The following APP variants were observed in gnomAD, a reference collection of about 807,000 sequenced individuals.
APP encodes amyloid beta precursor protein.
In APP, 31 loss-of-function variants were observed where a neutral mutation model predicts 101.4. That is an observed-to-expected ratio of 0.31 (90% CI 0.23 to 0.41). The LOEUF (loss-of-function observed/expected upper bound fraction) is 0.41, where lower values mean the gene tolerates loss of function less well. Among genes scored for constraint, APP ranks in the 10% least tolerant of loss-of-function variants. APP has a pLI of 1.00. For missense variants in APP, 839 were observed against 1,003.7 expected (o/e 0.84, Z 2.22); for synonymous variants, 366 against 364.4 (o/e 1.00, Z -0.05).
chr21:25,918,597 TCTGAG>T (rs2039475305), intron 13 of APP, among the ~76,000 whole-genome samples: 1 of 151,958 alleles, frequency 6.6e-6, no homozygotes, highest in Non-Finnish European at 1.5e-5. Context: ...GAGTTCCCTT[TCTGAG>T]TCAAAGAAAG....
In APP at chr21:26,151,064, A is replaced by G. The variant is rs566302989; in HGVS notation, c.57+19500T>C. 1.8e-4 allele frequency among the ~76,000 whole-genome samples: 27 copies of G among 152,344 alleles called. No individual in the cohort carries two copies. The South Asian group carries it at 5.4e-3, about 30-fold the overall frequency. ...ACGACCTTACACTAGGTTCTGTAAC[A>G]GCAGCATTTCATCACAATTTGTTAA... On this transcript the variant is annotated intron_variant, in intron 1 of 17. Transcript: ENST00000346798.
rs755219355 is a variant in APP, at chr21:26,051,245, GTAAGAAAACTCCACA to G, written c.469-67_469-53del. 368 of 1,526,060 alleles carry G rather than the reference GTAAGAAAACTCCACA, an allele frequency of 2.4e-4. 2 individuals carry two copies. The highest frequency in any genetic ancestry group is 1.6e-3 in the South Asian group (141 of 85,678). 94.5% of individuals were successfully genotyped at this position (1,526,060 alleles called of 1,614,324 possible). On this transcript the variant is annotated intron_variant, in intron 4 of 17. Coordinates refer to ENST00000346798, the MANE Select transcript of APP (RefSeq NM_000484.4). ...AGTGGTAGAGTAGATGTGTTTCATT[GTAAGAAAACTCCACA>G]TAAAATAATCAACATGCAGACCCAA... is the stretch of plus-strand genomic sequence containing the variant.
At chr21:26,168,586 C>A (rs931156481) in intron 1 of APP, among the ~76,000 whole-genome samples, 6 of 152,158 alleles carry the variant, frequency 3.9e-5, no homozygotes, top group South Asian at 4.1e-4. Context: ...TATTGCTCAA[C>A]AAAGTTACAT....
intron 5 of APP, among the ~76,000 whole-genome samples, chr21:26,040,333 A>C (rs1314210869): frequency 6.6e-6 from 1 of 152,070 alleles, no homozygotes; most frequent in Non-Finnish European, 1.5e-5. Context: ...TGGGCATGGT[A>C]GCTTATGCCT....
intron 3 of APP, among the ~76,000 whole-genome samples, chr21:26,086,240 C>G (rs1232713247): frequency 6.6e-6 from 1 of 152,190 alleles, no homozygotes; most frequent in Non-Finnish European, 1.5e-5. Context: ...ATCTTACCCT[C>G]TGGTTCCAGA....
chr21:26,004,260 C>A (rs2043416279), intron 6 of APP, among the ~76,000 whole-genome samples: 1 of 142,638 alleles, frequency 7.0e-6, no homozygotes, highest in Non-Finnish European at 1.5e-5. Flanking sequence ...TATGCAGGGT[C>A]TCTTTGTATT....
chr21:25,971,814 A>C (rs1381765910), intron 11 of APP, among the ~76,000 whole-genome samples: 2 of 152,222 alleles, frequency 1.3e-5, no homozygotes, highest in African/African-American at 4.8e-5. Flanking sequence ...CTCACTAGTA[A>C]GGAATAACTA....
rs550638181 is a variant in APP, at chr21:25,902,613, T to C, written c.1963+2411A>G. 3.4e-5 allele frequency among the ~76,000 whole-genome samples: 5 copies of C among 146,334 alleles called. No individual in the cohort carries two copies. The South Asian group carries it at 1.1e-3, about 32-fold the overall frequency. ...TCTCTTCTGAATAGAATTGTTCCCT[T>C]CTTCTTTGCCAATCCAGGTGCCTCA... On this transcript the variant is annotated intron_variant, in intron 15 of 17. Coordinates refer to ENST00000346798, the MANE Select transcript of APP (RefSeq NM_000484.4).
intron 11 of APP, among the ~76,000 whole-genome samples, chr21:25,960,635 G>C (rs940971127): frequency 6.6e-6 from 1 of 152,172 alleles, no homozygotes; most frequent in East Asian, 1.9e-4. Context: ...AGGAGGCTCT[G>C]AGGACTCCCC....
chr21:26,139,616 C>G (rs2062996624), intron 1 of APP, among the ~76,000 whole-genome samples: 2 of 152,190 alleles, frequency 1.3e-5, no homozygotes, highest in South Asian at 4.1e-4. Context: ...GAATTTTCAA[C>G]AGGGCTCAGT....
At chr21:26,163,724 G>C (rs1354462471) in intron 1 of APP, among the ~76,000 whole-genome samples, 1 of 152,106 alleles carries the variant, frequency 6.6e-6, no homozygotes, top group Non-Finnish European at 1.5e-5. Flanking sequence ...AATTCTTTGG[G>C]ACTCTGCTTC....
At chr21:25,945,121 A>G (rs894307289) in intron 13 of APP, among the ~76,000 whole-genome samples, 1 of 152,192 alleles carries the variant, frequency 6.6e-6, no homozygotes, top group Non-Finnish European at 1.5e-5. Flanking sequence ...AAAACTACTG[A>G]CATGTCAGTC....
At chr21:26,011,352 A>G (rs2043798848) in intron 6 of APP, among the ~76,000 whole-genome samples, 1 of 152,134 alleles carries the variant, frequency 6.6e-6, no homozygotes, top group Non-Finnish European at 1.5e-5. Context: ...CTGGGGTTAC[A>G]AGTGTGAGCC....
intron 5 of APP, among the ~76,000 whole-genome samples, chr21:26,048,677 T>C (rs1360889336): frequency 6.6e-6 from 1 of 152,188 alleles, no homozygotes; most frequent in South Asian, 2.1e-4. Flanking sequence ...AAAAGAGATA[T>C]GACTACAATT....
chr21:26,103,686 G>A (rs116635715), intron 2 of APP, among the ~76,000 whole-genome samples: 1 of 152,332 alleles, frequency 6.6e-6, no homozygotes, highest in African/African-American at 2.4e-5. Flanking sequence ...TTTATGGGAA[G>A]CTCTCTCAGC....
rs1601215899 is a variant in APP, at chr21:26,015,850, A to G, written c.865+5990T>C. ...TGTTTTCAGTTTTGCAGGCAACACA[A>G]TCTCTTTTGCGATCCTCAACTCTAC... On this transcript the variant is annotated intron_variant, in intron 6 of 17. Transcript: ENST00000346798. 2.0e-5 allele frequency among the ~76,000 whole-genome samples: 3 copies of G among 152,316 alleles called. No individual in the cohort carries two copies. In the East Asian group the frequency reaches 5.8e-4, roughly 29 times the overall value.
At chr21:26,098,081 GA>G (rs757879199) in intron 2 of APP, among the ~76,000 whole-genome samples, 10,537 of 54,586 alleles carry the variant, frequency 0.19, 331 homozygotes, top group East Asian at 0.34. Flanking sequence ...CTCTGTCTCA[GA>G]AAAAAAAAAA....
At chr21:25,914,430 C>A (rs1333729364) in intron 13 of APP, among the ~76,000 whole-genome samples, 6 of 149,328 alleles carry the variant, frequency 4.0e-5, no homozygotes, top group African/African-American at 1.5e-4. Context: ...CCACCCCGTG[C>A]CCCCGAATGG....
intron 11 of APP, among the ~76,000 whole-genome samples, chr21:25,959,985 T>G (rs2041506954): frequency 6.6e-6 from 1 of 152,216 alleles, no homozygotes. Flanking sequence ...CGGACTGAAC[T>G]GAGGGTTGGG....
Sources: gnomAD v4.1 joint callset for allele counts (sites outside exome capture counted in the v4.1 genomes callset) on GRCh38, gnomAD v4.1.1 for gene constraint, MANE v1.5 for transcripts, NCBI Gene and HGNC (gene_info 2026-07-23, HGNC 2026-07-21) for gene names.